Variants in ENOX2 observed in about 807,000 individuals in gnomAD.
The protein encoded by ENOX2 is ecto-NOX disulfide-thiol exchanger 2.
ENOX2 carries 36 observed loss-of-function variants against 45.0 expected under a neutral mutation model. The ratio of observed to expected loss-of-function variants is 0.80; its 90% CI spans 0.61 to 1.06. ENOX2 has a LOEUF of 1.06. Among genes scored for constraint, ENOX2 ranks in the 50% least tolerant of loss-of-function variants. ENOX2 has a pLI of 0.00. For missense variants in ENOX2, 423 were observed against 462.5 expected (o/e 0.91, Z 0.78); for synonymous variants, 174 against 152.3 (o/e 1.14, Z -1.05).
chrX:130,797,137 G>A (rs753638279), intron 2 of ENOX2, among the ~76,000 whole-genome samples: 1 of 111,626 alleles, frequency 9.0e-6, no homozygotes, highest in South Asian at 3.8e-4. Flanking sequence ...TTACATTGTG[G>A]GAGGTAGGAC....
intron 3 of ENOX2, among the ~76,000 whole-genome samples, chrX:130,707,507 TACACACACACACAC>T (rs10536173): frequency 1.0e-5 from 1 of 97,366 alleles, no homozygotes; most frequent in Non-Finnish European, 2.1e-5. Flanking sequence ...TTTTGAAGAC[TACACACACACACAC>T]ACACACACAC....
rs181226463 is a variant in ENOX2, at chrX:130,733,666, T to C, written c.-38-30412A>G. ...ATTCAAATGAATTTCAAGGGAATTA[T>C]GCTGAGTGAAAAAAGCCAATCCAGA... On this transcript the variant is annotated intron_variant, in intron 3 of 14. Coordinates refer to ENST00000394363, the MANE Select transcript of ENOX2 (RefSeq NM_006375.4). Among the ~76,000 whole-genome samples, 444 of 112,746 alleles carry C rather than the reference T, an allele frequency of 3.9e-3. 1 individual carries two copies. Among genetic ancestry groups the C allele is most frequent in the African/African-American group, 0.014 (429 of 31,112 alleles).
chrX:130,832,436 CACAT>C (rs780015487), intron 2 of ENOX2, among the ~76,000 whole-genome samples: 20 of 78,864 alleles, frequency 2.5e-4, no homozygotes, highest in Admixed American at 1.1e-3. Context: ...CACACACACA[CACAT>C]ACACACACAC....
intron 10 of ENOX2, among the ~76,000 whole-genome samples, chrX:130,642,293 T>C (rs9887611): frequency 0.056 from 6,286 of 111,471 alleles, 413 homozygotes; most frequent in African/African-American, 0.19. Context: ...TAGCAAGACA[T>C]CTAGAATTAG....
intron 2 of ENOX2, among the ~76,000 whole-genome samples, chrX:130,844,587 G>T (rs780597060): frequency 9.9e-5 from 11 of 111,203 alleles, no homozygotes; most frequent in Non-Finnish European, 1.3e-4. Flanking sequence ...ACTCAGAACA[G>T]AAAAAAAAGT....
chrX:130,693,316 A>G (rs2037664171), intron 4 of ENOX2, among the ~76,000 whole-genome samples: 1 of 112,624 alleles, frequency 8.9e-6, no homozygotes, highest in Non-Finnish European at 1.9e-5. Context: ...GTGAACCACC[A>G]TAACTGTTTA....
chrX:130,764,416 A>C (rs2039566581), intron 3 of ENOX2, among the ~76,000 whole-genome samples: 1 of 110,988 alleles, frequency 9.0e-6, no homozygotes, highest in South Asian at 3.8e-4. Context: ...ACCACAAAAG[A>C]ACACTGAGAT....
chrX:130,853,915 A>G (rs1459626908), intron 2 of ENOX2, among the ~76,000 whole-genome samples: 2 of 111,776 alleles, frequency 1.8e-5, no homozygotes, highest in East Asian at 5.6e-4. Context: ...GGCAGTAATA[A>G]GGTAATGACC....
intron 12 of ENOX2, among the ~76,000 whole-genome samples, chrX:130,634,364 A>T (rs1016879646): frequency 9.8e-5 from 11 of 111,900 alleles, no homozygotes; most frequent in African/African-American, 3.6e-4. Flanking sequence ...CATGGTTGTG[A>T]TACATGATTC....
intron 2 of ENOX2, among the ~76,000 whole-genome samples, chrX:130,884,809 T>C (rs1287445109): frequency 1.8e-5 from 2 of 111,538 alleles, no homozygotes; most frequent in Non-Finnish European, 3.8e-5. Flanking sequence ...ATTAGCTGTA[T>C]ATTTTTTCTG....
Position 130,670,143 on chromosome X carries a change from G to A in ENOX2, c.516C>T (p.His172=), listed in dbSNP as rs755401141. The A allele has an allele frequency of 7.4e-6, 9 of 1,208,996 alleles. No homozygotes were observed. In the East Asian group the frequency reaches 1.8e-4, roughly 24 times the overall value. ...CATCTCGAGCCTGTGCGAAATCAAC[G>A]TGGAGTCTGCCTGTGTCCTTCTTGT... ...STDKKDTGRL[H]VDFAQARDDL... Residue 172 remains histidine (H), a synonymous_variant, in exon 7 of 15, where the codon CAC becomes CAT. Coordinates refer to ENST00000394363, the MANE Select transcript of ENOX2 (RefSeq NM_006375.4).
At chrX:130,742,248 T>C (rs2039000436) in intron 3 of ENOX2, among the ~76,000 whole-genome samples, 1 of 83,252 alleles carries the variant, frequency 1.2e-5, no homozygotes, top group African/African-American at 4.3e-5. Context: ...TAATTTCCTT[T>C]TTTTTTTTTT....
intron 3 of ENOX2, among the ~76,000 whole-genome samples, chrX:130,736,508 CTAAG>C (rs778536915): frequency 1.8e-5 from 2 of 112,332 alleles, no homozygotes; most frequent in African/African-American, 6.5e-5. Context: ...ACGGGCTATA[CTAAG>C]TAAGTATTTT....
At chrX:130,688,513 ACT>A (rs1158476700) in intron 5 of ENOX2, among the ~76,000 whole-genome samples, 8 of 112,264 alleles carry the variant, frequency 7.1e-5, no homozygotes, top group African/African-American at 2.6e-4. Context: ...TTCAGACCAC[ACT>A]CTGTCTCTGC....
Position 130,703,187 on chromosome X carries a change from T to C in ENOX2, c.30A>G (p.Ala10=). The stretch of plus-strand genomic sequence containing the variant: ...CAAGATTATTCATTGCTGTGGCCCA[T>C]GCAGTTGGATCAGACATAGGTAGTG... MTLPMSDPT[A]WATAMNNLGM... Residue 10 remains alanine (A), a synonymous_variant, in exon 4 of 15, where the codon GCA becomes GCG. Coordinates refer to ENST00000394363, the MANE Select transcript of ENOX2 (RefSeq NM_006375.4). 1 of 1,207,727 alleles carries C rather than the reference T, an allele frequency of 8.3e-7. No individual in the cohort carries two copies. Among genetic ancestry groups the C allele is most frequent in the East Asian group, 3.0e-5 (1 of 33,781 alleles).
intron 2 of ENOX2, among the ~76,000 whole-genome samples, chrX:130,852,441 T>C (rs1266973537): frequency 1.8e-5 from 2 of 111,688 alleles, no homozygotes; most frequent in Non-Finnish European, 3.8e-5. Flanking sequence ...AGATACAAAA[T>C]AGAGAATCAT....
Position 130,625,454 on chromosome X carries a change from CAG to C in ENOX2, c.1615-11_1615-10del. The stretch of plus-strand genomic sequence containing the variant: ...ACATCGCTGGTGCAGATCTGTGGGA[CAG>C]AGAGAACATCTCCATTCAAAACCAG... On this transcript the variant is annotated splice_polypyrimidine_tract_variant and intron_variant, in intron 14 of 14. Transcript: ENST00000394363. The C allele has an allele frequency of 8.3e-7, 1 of 1,199,859 alleles. No individual in the cohort carries two copies. Among genetic ancestry groups the C allele is most frequent in the Non-Finnish European group, 1.1e-6 (1 of 889,843 alleles).
intron 3 of ENOX2, among the ~76,000 whole-genome samples, chrX:130,728,254 C>T (rs2038654322): frequency 9.0e-6 from 1 of 111,241 alleles, no homozygotes; most frequent in Non-Finnish European, 1.9e-5. Flanking sequence ...GTAGTATAAT[C>T]AGCAGTGCCC....
intron 2 of ENOX2, among the ~76,000 whole-genome samples, chrX:130,859,935 G>T (rs768383987): frequency 9.1e-6 from 1 of 110,013 alleles, no homozygotes; most frequent in South Asian, 3.9e-4. Context: ...AGTTTTCTTT[G>T]CCGGTTCCTT....
Sources: allele counts gnomAD v4.1 joint callset (sites outside exome capture counted in the v4.1 genomes callset), GRCh38; gene constraint gnomAD v4.1.1; transcripts MANE v1.5; gene names NCBI Gene and HGNC (gene_info 2026-07-23, HGNC 2026-07-21).